The following MAP2 variants were observed in gnomAD, a reference collection of about 807,000 sequenced individuals.
MAP2 encodes microtubule-associated protein 2.
Under a neutral mutation model 137.6 loss-of-function variants are expected in MAP2, and 14 were observed. The ratio of observed to expected loss-of-function variants is 0.10; its 90% CI spans 0.07 to 0.16. MAP2 has a LOEUF of 0.16. MAP2 is among the 10% of genes least tolerant of loss of function. The pLI is 1.00. For synonymous variants in MAP2, 786 were observed against 782.3 expected, an observed-to-expected ratio of 1.00 and a Z score of -0.08; for missense variants, 2,088 against 2,191.5, an observed-to-expected ratio of 0.95 and a Z score of 0.94.
At chr2:209,486,446 T>G (rs2058390821) in intron 1 of MAP2, among the ~76,000 whole-genome samples, 1 of 152,024 alleles carries the variant, frequency 6.6e-6, no homozygotes, top group African/African-American at 2.4e-5. Context: ...ATTGTCTTGA[T>G]CTCCTGACCT....
intron 1 of MAP2, among the ~76,000 whole-genome samples, chr2:209,430,952 G>C (rs189585243): frequency 2.4e-4 from 36 of 150,898 alleles, no homozygotes; most frequent in African/African-American, 7.7e-4. Flanking sequence ...TGCCTTATTC[G>C]GGATGAAGAT....
At chr2:209,594,124 G>A (rs1450727627) in intron 3 of MAP2, among the ~76,000 whole-genome samples, 2 of 100,438 alleles carry the variant, frequency 2.0e-5, no homozygotes, top group Non-Finnish European at 4.0e-5. Flanking sequence ...CTCCGGCCTC[G>A]GTAACAGATG....
chr2:209,590,632 G>T (rs1444446799), intron 3 of MAP2, among the ~76,000 whole-genome samples: 1 of 152,060 alleles, frequency 6.6e-6, no homozygotes, highest in Non-Finnish European at 1.5e-5. Context: ...ACCATCCCTG[G>T]CCTCAAATTA....
chr2:209,690,596 C>T (rs1466480992), intron 7 of MAP2: 2 of 1,274,172 alleles, frequency 1.6e-6, no homozygotes, highest in Admixed American at 2.5e-5. Context: ...TCTTTTTCAT[C>T]CCTAAGAAGA....
At chr2:209,474,913 C>A (rs1240473690) in intron 1 of MAP2, among the ~76,000 whole-genome samples, 1 of 152,022 alleles carries the variant, frequency 6.6e-6, no homozygotes, top group East Asian at 1.9e-4. Flanking sequence ...CAGGATTTAT[C>A]TTCTCCCTCC....
At chr2:209,550,898 T>C (rs1189281169) in intron 2 of MAP2, among the ~76,000 whole-genome samples, 1 of 152,138 alleles carries the variant, frequency 6.6e-6, no homozygotes, top group African/African-American at 2.4e-5. Context: ...AAATCGTGTG[T>C]ATAACTTGCA....
chr2:209,687,989 C>T (rs1375187188), intron 7 of MAP2, among the ~76,000 whole-genome samples: 1 of 152,110 alleles, frequency 6.6e-6, no homozygotes, highest in Non-Finnish European at 1.5e-5. Context: ...CCCTTTTGCT[C>T]CTCCGCCCCG....
At chr2:209,607,413 A>G (rs79015238) in intron 3 of MAP2, among the ~76,000 whole-genome samples, 26,069 of 151,988 alleles carry the variant, frequency 0.17, 3,278 homozygotes, top group African/African-American at 0.35. Context: ...GATGTCTTCA[A>G]ATTAATGTTT....
intron 4 of MAP2, among the ~76,000 whole-genome samples, chr2:209,646,004 G>A (rs879279116): frequency 1.3e-5 from 2 of 152,046 alleles, no homozygotes; most frequent in Admixed American, 1.3e-4. Context: ...TGGACAATAT[G>A]GCAAAACCTT....
intron 4 of MAP2, among the ~76,000 whole-genome samples, chr2:209,636,754 A>G (rs537501701): frequency 6.6e-6 from 1 of 152,240 alleles, no homozygotes; most frequent in Non-Finnish European, 1.5e-5. Context: ...ACTATAGGGA[A>G]GTAACATACC....
At chr2:209,591,649 G>C (rs1225547436) in intron 3 of MAP2, among the ~76,000 whole-genome samples, 1 of 152,104 alleles carries the variant, frequency 6.6e-6, no homozygotes, top group Non-Finnish European at 1.5e-5. Context: ...CTTCCTCTCT[G>C]TTCCCATTCC....
intron 1 of MAP2, among the ~76,000 whole-genome samples, chr2:209,432,321 C>G (rs1694505849): frequency 6.6e-6 from 1 of 152,092 alleles, no homozygotes; most frequent in Non-Finnish European, 1.5e-5. Context: ...CTACAGTGCT[C>G]TATCCCTCTT....
Position 209,696,582 on chromosome 2 carries a change from T to A in MAP2, c.4221T>A (p.Ile1407=). 6.2e-7 allele frequency: 1 copy of A among 1,613,902 alleles called. No homozygotes were observed. Among genetic ancestry groups the A allele is most frequent in the Non-Finnish European group, 8.5e-7 (1 of 1,179,940 alleles). Residue 1407 remains isoleucine (I), a synonymous_variant, in exon 9 of 16, where the codon ATT becomes ATA. Coordinates refer to ENST00000682079, the MANE Select transcript of MAP2 (RefSeq NM_001375505.1). ...RSIMTEQLET[I]PKEEKAEKEA... is the part of the protein sequence containing the mutation. ...TCATGACAGAACAGTTAGAAACTAT[T>A]CCTAAAGAGGAGAAAGCTGAAAAGG... is the stretch of plus-strand genomic sequence containing the variant.
chr2:209,434,863 T>TTATATATATGTTATATATATATGTTA, intron 1 of MAP2, among the ~76,000 whole-genome samples: 1 of 96,562 alleles, frequency 1.0e-5, no homozygotes, highest in East Asian at 2.5e-4. Context: ...TATATATATG[T>TTATATATATGTTATATATATATGTTA]TATATATATG....
intron 5 of MAP2, among the ~76,000 whole-genome samples, chr2:209,676,585 C>G (rs891585357): frequency 6.6e-6 from 1 of 151,006 alleles, no homozygotes; most frequent in African/African-American, 2.4e-5. Flanking sequence ...CTTGGGAAAC[C>G]TTATATAGTG....
chr2:209,708,988 T>G (rs1031680393), intron 12 of MAP2, among the ~76,000 whole-genome samples: 2 of 152,168 alleles, frequency 1.3e-5, no homozygotes. Flanking sequence ...CTTATTTCTA[T>G]CATTCTTTCA....
At chr2:209,544,004 C>T (rs1447538113) in intron 2 of MAP2, among the ~76,000 whole-genome samples, 2 of 151,984 alleles carry the variant, frequency 1.3e-5, no homozygotes, top group African/African-American at 2.4e-5. Context: ...CCGAGGTGGG[C>T]GGATCACGAG....
At chr2:209,625,303 T>C (rs1029208289) in intron 4 of MAP2, among the ~76,000 whole-genome samples, 174 bp downstream of exon 4, 5 of 152,188 alleles carry the variant, frequency 3.3e-5, no homozygotes, top group Non-Finnish European at 5.9e-5. Flanking sequence ...AATTCAGTGT[T>C]ATTAAAACAG....
intron 2 of MAP2, among the ~76,000 whole-genome samples, chr2:209,507,911 C>T (rs951657468): frequency 1.3e-5 from 2 of 152,004 alleles, no homozygotes; most frequent in Non-Finnish European, 2.9e-5. Context: ...AAAAATCCAA[C>T]TCGAATTCAT....
Sources: allele counts gnomAD v4.1 joint callset (sites outside exome capture counted in the v4.1 genomes callset), GRCh38; gene constraint gnomAD v4.1.1; transcripts MANE v1.5; gene names NCBI Gene and HGNC (gene_info 2026-07-23, HGNC 2026-07-21).